Variants in RBFOX1 observed in about 807,000 individuals in gnomAD.
The protein encoded by RBFOX1 is RNA binding fox-1 homolog 1, also known as RNA binding protein fox-1 homolog 1.
Under a neutral mutation model 57.7 loss-of-function variants are expected in RBFOX1, and 8 were observed. The ratio of observed to expected loss-of-function variants is 0.14; its 90% confidence interval spans 0.08 to 0.25. RBFOX1 has a LOEUF of 0.25. RBFOX1 is among the 10% of genes least tolerant of loss of function. The pLI, the probability that RBFOX1 is intolerant of heterozygous loss-of-function variation, is 1.00. For missense variants in RBFOX1, 611 were observed against 548.5 expected, an observed-to-expected ratio of 1.11 and a Z score of -1.14; for synonymous variants, 326 against 222.4, an observed-to-expected ratio of 1.47 and a Z score of -4.15.
At chr16:6,421,144 G>A (rs1444100426) in intron 2 of RBFOX1, among the ~76,000 whole-genome samples, 1 of 152,200 alleles carries the variant, frequency 6.6e-6, no homozygotes, top group African/African-American at 2.4e-5. Context: ...GTAAACAAGA[G>A]AGGCCCAGAG....
At chr16:5,603,897 T>C (rs955648865), downstream of RBFOX1, among the ~76,000 whole-genome samples, 2 of 152,192 alleles carry the variant, frequency 1.3e-5, no homozygotes, top group African/African-American at 4.8e-5. Context: ...CGCACTATTA[T>C]TTTTTCTCTC....
At chr16:6,635,468 T>C (rs2098423941) in intron 2 of RBFOX1, among the ~76,000 whole-genome samples, 1 of 151,916 alleles carries the variant, frequency 6.6e-6, no homozygotes, top group African/African-American at 2.4e-5. Flanking sequence ...GAGGAGGAAG[T>C]GATAACAGGT....
intron 1 of RBFOX1, among the ~76,000 whole-genome samples, chr16:6,256,307 A>T (rs1406540112): frequency 7.0e-6 from 1 of 142,156 alleles, no homozygotes; most frequent in Non-Finnish European, 1.5e-5. Flanking sequence ...ATGTATATAT[A>T]TATATGTATA....
At chr16:5,937,096 A>C (rs978955412) in intron 4 of RBFOX1, among the ~76,000 whole-genome samples, 1 of 152,192 alleles carries the variant, frequency 6.6e-6, no homozygotes, top group African/African-American at 2.4e-5. Context: ...GCTAAAGTCT[A>C]GTGTGGATAA....
At chr16:6,301,415 T>C (rs571052926) in intron 1 of RBFOX1, among the ~76,000 whole-genome samples, 1 of 152,336 alleles carries the variant, frequency 6.6e-6, no homozygotes, top group East Asian at 1.9e-4. Context: ...GATGCAGGTC[T>C]CATTGAAATA....
At chr16:5,466,978 T>C (rs1265460260) in intron 1 of RBFOX1, among the ~76,000 whole-genome samples, 1 of 152,236 alleles carries the variant, frequency 6.6e-6, no homozygotes, top group African/African-American at 2.4e-5. Flanking sequence ...ATTTACCATG[T>C]TCTCCCCCAT....
At chr16:5,653,734 G>T (rs1338747830) in intron 3 of RBFOX1, among the ~76,000 whole-genome samples, 3 of 152,126 alleles carry the variant, frequency 2.0e-5, no homozygotes, top group Non-Finnish European at 4.4e-5. Context: ...GCTTAGAGCC[G>T]CTCATTTCCA....
chr16:5,528,368 C>T (rs2044325191), intron 2 of RBFOX1, among the ~76,000 whole-genome samples: 1 of 152,054 alleles, frequency 6.6e-6, no homozygotes, highest in Non-Finnish European at 1.5e-5. Context: ...GCACATCATT[C>T]ATCTTAGGAG....
chr16:7,031,494 G>C (rs1345084057), intron 3 of RBFOX1, among the ~76,000 whole-genome samples: 2 of 152,106 alleles, frequency 1.3e-5, no homozygotes. Context: ...TACTTGGGAG[G>C]CTGAGGCAGG....
chr16:5,428,232 C>A (rs2067624326), intron 1 of RBFOX1, among the ~76,000 whole-genome samples: 1 of 152,042 alleles, frequency 6.6e-6, no homozygotes, highest in African/African-American at 2.4e-5. Context: ...GTACCCCAGG[C>A]AAACCTTGAG....
At chr16:6,726,059 G>A (rs554001148) in intron 3 of RBFOX1, among the ~76,000 whole-genome samples, 1 of 152,110 alleles carries the variant, frequency 6.6e-6, no homozygotes, top group Non-Finnish European at 1.5e-5. Context: ...GATTTGTTCC[G>A]TGTTGACTCC....
intron 3 of RBFOX1, among the ~76,000 whole-genome samples, chr16:6,969,128 C>T (rs540137000): frequency 6.6e-6 from 1 of 152,204 alleles, no homozygotes; most frequent in South Asian, 2.1e-4. Context: ...TGCGTGTGAA[C>T]TTATTCAGTC....
At chr16:5,785,650 C>G (rs1325574749) in intron 3 of RBFOX1, among the ~76,000 whole-genome samples, 1 of 152,070 alleles carries the variant, frequency 6.6e-6, no homozygotes, top group Non-Finnish European at 1.5e-5. Context: ...GCCTCAGCCT[C>G]CTGAGTAGCT....
At position 6,151,293 on chromosome 16, in the gene RBFOX1, T is replaced by C. The variant is rs148559644; in HGVS notation, c.-127+131301T>C. The stretch of plus-strand genomic sequence containing the variant: ...TCCTGTTGCATAATTAGTTGTTTTT[T>C]TTCTTTTTTTGAGACGGAGTCTCAC... On this transcript the variant is annotated intron_variant, in intron 1 of 15. Transcript: ENST00000550418. Among the ~76,000 whole-genome samples, 826 of 152,290 alleles carry C rather than the reference T, an allele frequency of 5.4e-3. 9 individuals carry two copies. The highest frequency in any genetic ancestry group is 0.018 in the African/African-American group (738 of 41,556).
At chr16:6,955,067 C>CAA (rs748874364) in intron 3 of RBFOX1, among the ~76,000 whole-genome samples, 60 of 93,870 alleles carry the variant, frequency 6.4e-4, no homozygotes, top group African/African-American at 1.5e-3. Context: ...CCCATCTCTA[C>CAA]AAAAAAAAAA....
chr16:5,346,874 G>C (rs1389847155), intron 1 of RBFOX1, among the ~76,000 whole-genome samples: 1 of 152,186 alleles, frequency 6.6e-6, no homozygotes, highest in Non-Finnish European at 1.5e-5. Flanking sequence ...TCAAGAGCTG[G>C]TGTGGGGCTT....
At chr16:6,176,230 C>T (rs1598080633) in intron 1 of RBFOX1, among the ~76,000 whole-genome samples, 1 of 151,696 alleles carries the variant, frequency 6.6e-6, no homozygotes, top group Non-Finnish European at 1.5e-5. Flanking sequence ...CTTGCAACCT[C>T]GGCCTCCCCA....
At chr16:5,540,643 G>C (rs569088313) in intron 2 of RBFOX1, among the ~76,000 whole-genome samples, 184 of 152,232 alleles carry the variant, frequency 1.2e-3, no homozygotes, top group African/African-American at 4.3e-3. Context: ...TAAAAATCCA[G>C]ATTTCTGGGT....
intron 9 of RBFOX1, among the ~76,000 whole-genome samples, chr16:7,606,751 G>C (rs1335405535): frequency 6.6e-6 from 1 of 152,248 alleles, no homozygotes; most frequent in African/African-American, 2.4e-5. Context: ...TCAAAATGTA[G>C]GCCACAGTAA....
Sources: gnomAD v4.1 joint callset for allele counts (sites outside exome capture counted in the v4.1 genomes callset) on GRCh38, gnomAD v4.1.1 for gene constraint, MANE v1.5 for transcripts, NCBI Gene and HGNC (gene_info 2026-07-23, HGNC 2026-07-21) for gene names.